SLC10A7: variants seen among roughly 807,000 people sequenced by gnomAD.
The protein encoded by SLC10A7 is sodium/bile acid cotransporter 7.
A neutral mutation model predicts 43.2 loss-of-function variants in SLC10A7; 29 were observed. That is an observed-to-expected ratio of 0.67 (90% confidence interval 0.50 to 0.92). SLC10A7 has a LOEUF of 0.92. SLC10A7 is among the 40% of genes least tolerant of loss of function. The probability of loss-of-function intolerance (pLI) is 0.00; values close to 1 mark genes in which losing one functional copy is unlikely to be tolerated. For missense variants in SLC10A7, 295 were observed against 403.2 expected (o/e 0.73, Z 2.30); for synonymous variants, 152 against 144.8 (o/e 1.05, Z -0.35).
intron 5 of SLC10A7, among the ~76,000 whole-genome samples, chr4:146,334,362 GA>G: frequency 6.6e-6 from 1 of 152,184 alleles, no homozygotes; most frequent in Non-Finnish European, 1.5e-5. Flanking sequence ...AAGGCTAGAT[GA>G]AAACAATTTC....
chr4:146,283,134 T>A, intron 10 of SLC10A7, 58 bp downstream of exon 10: 1 of 1,334,880 alleles, frequency 7.5e-7, no homozygotes, highest in East Asian at 2.3e-5. Flanking sequence ...AATATCAAAG[T>A]CATAAGATGT....
chr4:146,292,451 T>C (rs1484880150), intron 9 of SLC10A7, among the ~76,000 whole-genome samples: 5 of 152,130 alleles, frequency 3.3e-5, no homozygotes, highest in Admixed American at 6.5e-5. Context: ...GGATTCCAGC[T>C]TGAGTAACTT....
intron 9 of SLC10A7, among the ~76,000 whole-genome samples, chr4:146,285,457 C>G (rs1410858677): frequency 2.0e-5 from 3 of 152,180 alleles, no homozygotes. Context: ...GATTTTAATT[C>G]CAGGCCATCC....
At chr4:146,346,082 A>G (rs376337097) in intron 5 of SLC10A7, among the ~76,000 whole-genome samples, 1 of 152,112 alleles carries the variant, frequency 6.6e-6, no homozygotes, top group Non-Finnish European at 1.5e-5. Context: ...CAGTTGTCTT[A>G]TGGATGAAAA....
chr4:146,411,498 T>C (rs1412083723), intron 5 of SLC10A7, among the ~76,000 whole-genome samples: 7 of 152,326 alleles, frequency 4.6e-5, no homozygotes, highest in African/African-American at 1.7e-4. Flanking sequence ...TTCTAACCCA[T>C]ACAATTAATA....
intron 3 of SLC10A7, among the ~76,000 whole-genome samples, chr4:146,509,252 A>G (rs1737227340): frequency 6.6e-6 from 1 of 152,218 alleles, no homozygotes; most frequent in African/African-American, 2.4e-5. Flanking sequence ...TCCAATATGT[A>G]TAATAACTCC....
intron 7 of SLC10A7, among the ~76,000 whole-genome samples, chr4:146,302,852 T>C (rs1731250199): frequency 6.6e-6 from 1 of 152,236 alleles, no homozygotes; most frequent in South Asian, 2.1e-4. Context: ...CATTTTATGC[T>C]AAATTTAGTC....
At chr4:146,443,228 T>C (rs1730748874) in intron 4 of SLC10A7, among the ~76,000 whole-genome samples, 1 of 48,516 alleles carries the variant, frequency 2.1e-5, no homozygotes. Flanking sequence ...CAAACATTAA[T>C]TGCTGTCAGT....
At chr4:146,287,171 G>C (rs1047449937) in intron 9 of SLC10A7, among the ~76,000 whole-genome samples, 14 of 152,044 alleles carry the variant, frequency 9.2e-5, no homozygotes, top group Admixed American at 2.0e-4. Flanking sequence ...GTGGTGAGAA[G>C]GACTGTGTCT....
In SLC10A7 at chr4:146,336,001, T is replaced by C. The variant is rs572036736; in HGVS notation, c.436-10005A>G. Among the ~76,000 whole-genome samples, 23 of 152,224 alleles carry C rather than the reference T, an allele frequency of 1.5e-4. No homozygotes were observed. In the South Asian group the frequency reaches 4.6e-3, roughly 30 times the overall value. On this transcript the variant is annotated intron_variant, in intron 5 of 11. Coordinates refer to ENST00000335472, the MANE Select transcript of SLC10A7 (RefSeq NM_001029998.6). ...ATCAGACTCCGCCCCAGAACTACTA[T>C]GTCATAATCTGCATCTTAGCAAGAT...
rs763227128 is a variant in SLC10A7 at position 146,517,053 on chromosome 4, T to C, written c.168A>G (p.Leu56=). The C allele has an allele frequency of 8.1e-6, 13 of 1,606,108 alleles. No individual in the cohort carries two copies. The highest frequency in any genetic ancestry group is 3.4e-5 in the Admixed American group (2 of 59,530). ...AVATIFFNSG[L]SLKTEELTSA... ...ATGACAGTACCTCTGTTTTCAATGATAGTCCACTGTTAAAGAATATTGTTG... is the reference window on the plus strand; with the variant it reads ...ATGACAGTACCTCTGTTTTCAATGACAGTCCACTGTTAAAGAATATTGTTG... The change falls in exon 2 of 12, where the codon CTA becomes CTG. Residue 56 remains leucine, a synonymous_variant. Transcript: ENST00000335472.
intron 9 of SLC10A7, among the ~76,000 whole-genome samples, chr4:146,289,290 G>A (rs1247346928): frequency 1.3e-5 from 2 of 152,042 alleles, no homozygotes; most frequent in African/African-American, 4.8e-5. Context: ...GCTTCTCCCA[G>A]GGCTATGGTG....
chr4:146,485,153 T>G (rs1734804062), intron 4 of SLC10A7, among the ~76,000 whole-genome samples: 1 of 152,198 alleles, frequency 6.6e-6, no homozygotes, highest in African/African-American at 2.4e-5. Flanking sequence ...ATCTCCCAGA[T>G]CAAATGGAGA....
chr4:146,445,114 G>A (rs1168528611), intron 4 of SLC10A7, among the ~76,000 whole-genome samples: 1 of 152,028 alleles, frequency 6.6e-6, no homozygotes, highest in African/African-American at 2.4e-5. Context: ...TTTACATTCT[G>A]ACAACAATGA....
At chr4:146,337,558 T>C (rs1733975377) in intron 5 of SLC10A7, among the ~76,000 whole-genome samples, 1 of 152,064 alleles carries the variant, frequency 6.6e-6, no homozygotes, top group African/African-American at 2.4e-5. Context: ...GTTCAGTTGA[T>C]ATAAAACACC....
chr4:146,382,701 C>T (rs542520455), intron 5 of SLC10A7, among the ~76,000 whole-genome samples: 149 of 152,138 alleles, frequency 9.8e-4, no homozygotes, highest in Admixed American at 2.2e-3. Flanking sequence ...ATGTCCTCTT[C>T]GAGAAATATA....
At chr4:146,465,428 C>T (rs1188404799) in intron 4 of SLC10A7, among the ~76,000 whole-genome samples, 1 of 152,090 alleles carries the variant, frequency 6.6e-6, no homozygotes, top group Non-Finnish European at 1.5e-5. Flanking sequence ...TGAAAAACTG[C>T]TTTTTGATTC....
At chr4:146,354,377 G>C (rs368278345) in intron 5 of SLC10A7, among the ~76,000 whole-genome samples, 7 of 152,002 alleles carry the variant, frequency 4.6e-5, no homozygotes, top group Admixed American at 2.0e-4. Flanking sequence ...CACTGCTCAA[G>C]GAAATAAAAG....
intron 5 of SLC10A7, among the ~76,000 whole-genome samples, chr4:146,376,102 G>A (rs1737179660): frequency 6.6e-6 from 1 of 152,134 alleles, no homozygotes; most frequent in Non-Finnish European, 1.5e-5. Context: ...ATAGAGTGGT[G>A]TGGTAGAGGA....
Sources: gnomAD v4.1 joint callset for allele counts (sites outside exome capture counted in the v4.1 genomes callset) on GRCh38, gnomAD v4.1.1 for gene constraint, MANE v1.5 for transcripts, NCBI Gene and HGNC (gene_info 2026-07-23, HGNC 2026-07-21) for gene names.